Variants in MAGI2 observed in about 807,000 individuals in gnomAD.
MAGI2 encodes the protein membrane associated guanylate kinase, WW and PDZ domain containing 2.
A neutral mutation model predicts 133.3 loss-of-function variants in MAGI2; 35 were observed. That is an observed-to-expected ratio of 0.26 (90% CI 0.20 to 0.35). MAGI2 has a LOEUF of 0.35. Ranked by LOEUF, MAGI2 falls within the 10% of genes least tolerant of loss-of-function variation. The pLI is 1.00. For missense variants in MAGI2, 1,636 were observed against 1,863.4 expected (o/e 0.88, Z 2.25); for synonymous variants, 729 against 710.6 (o/e 1.03, Z -0.41).
chr7:78,439,437 C>T (rs1179342918), intron 6 of MAGI2, among the ~76,000 whole-genome samples: 3 of 152,010 alleles, frequency 2.0e-5, no homozygotes, highest in Non-Finnish European at 4.4e-5. Flanking sequence ...ATAAACGTGA[C>T]AAAATAGTTG....
At chr7:78,548,263 G>A (rs1799037617) in intron 3 of MAGI2, among the ~76,000 whole-genome samples, 1 of 152,228 alleles carries the variant, frequency 6.6e-6, no homozygotes, top group African/African-American at 2.4e-5. Flanking sequence ...TCTTCATTAT[G>A]AGAAACTTAT....
chr7:78,067,683 T>C (rs1451140054), intron 21 of MAGI2, among the ~76,000 whole-genome samples: 1 of 152,244 alleles, frequency 6.6e-6, no homozygotes, highest in Admixed American at 6.5e-5. Flanking sequence ...TTCTTAAGTT[T>C]AGAGATTTTG....
intron 1 of MAGI2, among the ~76,000 whole-genome samples, chr7:79,423,479 C>G (rs987583235): frequency 6.6e-6 from 1 of 151,946 alleles, no homozygotes; most frequent in Non-Finnish European, 1.5e-5. Flanking sequence ...TACTCAATAT[C>G]CAGCCCTCTA....
At chr7:78,414,395 A>G (rs1193332698) in intron 6 of MAGI2, among the ~76,000 whole-genome samples, 11 of 152,042 alleles carry the variant, frequency 7.2e-5, no homozygotes, top group Admixed American at 2.0e-4. Flanking sequence ...ATACAGAGAA[A>G]AGACTGGAAG....
At chr7:79,312,291 A>G (rs1563104148) in intron 1 of MAGI2, among the ~76,000 whole-genome samples, 3 of 152,068 alleles carry the variant, frequency 2.0e-5, no homozygotes, top group Non-Finnish European at 1.5e-5. Flanking sequence ...CCCACCCACT[A>G]TTACTCTTTG....
intron 2 of MAGI2, among the ~76,000 whole-genome samples, chr7:78,919,822 G>C (rs1330642729): frequency 6.6e-6 from 1 of 152,074 alleles, no homozygotes; most frequent in Non-Finnish European, 1.5e-5. Context: ...ATCTTAATGA[G>C]TAGGTTAAAT....
intron 9 of MAGI2, among the ~76,000 whole-genome samples, chr7:78,327,661 T>G (rs1237631224): frequency 6.6e-6 from 1 of 152,166 alleles, no homozygotes; most frequent in Non-Finnish European, 1.5e-5. Flanking sequence ...TGGAGTCAAT[T>G]CTATGAAAAA....
At chr7:79,165,739 A>C (rs1260453491) in intron 1 of MAGI2, among the ~76,000 whole-genome samples, 1 of 152,128 alleles carries the variant, frequency 6.6e-6, no homozygotes, top group Non-Finnish European at 1.5e-5. Flanking sequence ...ATACTAAATT[A>C]TAAACTCATG....
chr7:78,670,894 T>G (rs1459096026), intron 2 of MAGI2, among the ~76,000 whole-genome samples: 1 of 152,168 alleles, frequency 6.6e-6, no homozygotes, highest in Non-Finnish European at 1.5e-5. Context: ...TAAAAATGCT[T>G]AGAACAATGG....
chr7:78,653,567 A>T (rs1425637176), intron 2 of MAGI2, among the ~76,000 whole-genome samples: 1 of 152,074 alleles, frequency 6.6e-6, no homozygotes, highest in African/African-American at 2.4e-5. Flanking sequence ...TCTCACTCAT[A>T]AGTGGGAGTT....
chr7:78,474,077 G>T (rs755378542), intron 6 of MAGI2, among the ~76,000 whole-genome samples: 1 of 151,890 alleles, frequency 6.6e-6, no homozygotes, highest in African/African-American at 2.4e-5. Flanking sequence ...AACATTAACC[G>T]GTGTGTTTTA....
rs976351881 is a variant in MAGI2, at chr7:78,235,672, C to T, written c.2047+20271G>A. ...TCTCCAGCCCTGCAGAACCGTGAGT[C>T]AATTAAACCTCTTTCCTTTATAAAT... On this transcript the variant is annotated intron_variant, in intron 10 of 21. Coordinates refer to ENST00000354212, the MANE Select transcript of MAGI2 (RefSeq NM_012301.4). 4.6e-5 allele frequency among the ~76,000 whole-genome samples: 7 copies of T among 152,156 alleles called. No homozygotes were observed. In the South Asian group the frequency reaches 1.2e-3, roughly 27 times the overall value.
chr7:78,207,674 C>T (rs573422552), intron 10 of MAGI2, among the ~76,000 whole-genome samples: 4 of 152,144 alleles, frequency 2.6e-5, no homozygotes, highest in African/African-American at 4.8e-5. Flanking sequence ...TTAAGCTGCT[C>T]GAAGTGGGTA....
At chr7:78,626,523 A>G (rs1808364184) in intron 3 of MAGI2, among the ~76,000 whole-genome samples, 1 of 152,166 alleles carries the variant, frequency 6.6e-6, no homozygotes, top group Non-Finnish European at 1.5e-5. Context: ...CCACTGAGGC[A>G]TATTTCCTGC....
At chr7:78,869,720 A>G (rs1219752902) in intron 2 of MAGI2, among the ~76,000 whole-genome samples, 2 of 152,148 alleles carry the variant, frequency 1.3e-5, no homozygotes, top group Non-Finnish European at 2.9e-5. Flanking sequence ...CTCACTTACT[A>G]TCACAATAAC....
At chr7:79,416,424 T>C (rs564202370) in intron 1 of MAGI2, among the ~76,000 whole-genome samples, 1 of 152,084 alleles carries the variant, frequency 6.6e-6, no homozygotes, top group Admixed American at 6.6e-5. Context: ...TTACAAAACA[T>C]CTTTAAGATA....
At chr7:78,987,608 C>T (rs1805384467) in intron 2 of MAGI2, among the ~76,000 whole-genome samples, 1 of 152,012 alleles carries the variant, frequency 6.6e-6, no homozygotes, top group African/African-American at 2.4e-5. Flanking sequence ...AAAAAATTCA[C>T]AGACAACTAT....
chr7:78,707,788 C>G (rs1314569409), intron 2 of MAGI2, among the ~76,000 whole-genome samples: 2 of 151,994 alleles, frequency 1.3e-5, no homozygotes, highest in African/African-American at 2.4e-5. Context: ...GATTTCATTA[C>G]TATTTGGCAA....
At chr7:78,064,126 C>T (rs1813568202) in intron 21 of MAGI2, among the ~76,000 whole-genome samples, 1 of 152,228 alleles carries the variant, frequency 6.6e-6, no homozygotes, top group Admixed American at 6.5e-5. Flanking sequence ...CCTTAACCTA[C>T]AGTCATTGGA....
Sources: gnomAD v4.1 joint callset for allele counts (sites outside exome capture counted in the v4.1 genomes callset) on GRCh38, gnomAD v4.1.1 for gene constraint, MANE v1.5 for transcripts, NCBI Gene and HGNC (gene_info 2026-07-23, HGNC 2026-07-21) for gene names.